Variants in ZBBX observed in about 807,000 individuals in gnomAD.
The protein encoded by ZBBX is zinc finger B-box domain containing, also known as zinc finger B-box domain-containing protein 1.
In ZBBX, 101 loss-of-function variants were observed where a neutral mutation model predicts 108.5. That is an observed-to-expected ratio of 0.93 (90% CI 0.79 to 1.10). The LOEUF (loss-of-function observed/expected upper bound fraction) is 1.10, where lower values mean the gene tolerates loss of function less well. Ranked by LOEUF, ZBBX falls within the 50% of genes least tolerant of loss-of-function variation. The probability of loss-of-function intolerance (pLI) is 0.00; values close to 1 mark genes in which losing one functional copy is unlikely to be tolerated. For synonymous variants in ZBBX, 356 were observed against 323.4 expected (o/e 1.10, Z -1.08); for missense variants, 1,009 against 941.4 (o/e 1.07, Z -0.94).
At chr3:167,323,962 T>C (rs1000590594) in intron 11 of ZBBX, among the ~76,000 whole-genome samples, 1 of 151,996 alleles carries the variant, frequency 6.6e-6, no homozygotes, top group Non-Finnish European at 1.5e-5. Context: ...AAGTTAAAAA[T>C]CAATAACAGA....
chr3:167,405,607 A>C (rs181893335), intron 1 of ZBBX, among the ~76,000 whole-genome samples: 2 of 152,284 alleles, frequency 1.3e-5, no homozygotes, highest in African/African-American at 4.8e-5. Flanking sequence ...AGGTGAAGAA[A>C]AACTTAGTAT....
At chr3:167,211,551 C>T in the ZBBX span, among the ~76,000 whole-genome samples, 11 of 152,142 alleles carry the variant, frequency 7.2e-5, no homozygotes, top group Admixed American at 1.3e-4. Flanking sequence ...CTAGCAGTAG[C>T]GGCATTGCAC....
At chr3:167,377,940 C>T (rs1449301287) in intron 2 of ZBBX, among the ~76,000 whole-genome samples, 1 of 152,084 alleles carries the variant, frequency 6.6e-6, no homozygotes. Flanking sequence ...CAGTTTCCCC[C>T]ACGCTATTTT....
chr3:167,232,309 A>C, the ZBBX span, among the ~76,000 whole-genome samples: 1 of 151,812 alleles, frequency 6.6e-6, no homozygotes, highest in Non-Finnish European at 1.5e-5. Flanking sequence ...AATTGTTTCC[A>C]ACTTGGAAAA....
chr3:167,324,573 C>CT (rs142001692), intron 11 of ZBBX, among the ~76,000 whole-genome samples: 2,974 of 152,210 alleles, frequency 0.02, 108 homozygotes, highest in African/African-American at 0.069. Flanking sequence ...GGCTGCATGA[C>CT]TTTTTCATTC....
chr3:167,281,193 T>G (rs1247662227), intron 20 of ZBBX, among the ~76,000 whole-genome samples: 1 of 152,090 alleles, frequency 6.6e-6, no homozygotes, highest in Non-Finnish European at 1.5e-5. Context: ...GCATGGCACA[T>G]GTATGCAGAG....
chr3:167,298,570 C>T (rs535508694), intron 17 of ZBBX, 112 bp from the exon 18 acceptor site: 141 of 761,924 alleles, frequency 1.9e-4, no homozygotes, highest in Non-Finnish European at 2.4e-4. Context: ...AAATTCTTCC[C>T]TCATCAAGTT....
chr3:167,360,578 T>C (rs1353100460), intron 7 of ZBBX, 97 bp downstream of exon 7: 1 of 683,522 alleles, frequency 1.5e-6, no homozygotes, highest in Non-Finnish European at 2.1e-6. Context: ...ATCTTTATAC[T>C]GCCCGGACAA....
At chr3:167,269,783 C>T (rs747133300) in intron 20 of ZBBX, among the ~76,000 whole-genome samples, 1 of 152,194 alleles carries the variant, frequency 6.6e-6, no homozygotes, top group African/African-American at 2.4e-5. Flanking sequence ...CAACTATTCA[C>T]CCTGTTGTCC....
chr3:167,195,809 T>C, the ZBBX span, among the ~76,000 whole-genome samples: 1 of 152,176 alleles, frequency 6.6e-6, no homozygotes, highest in Non-Finnish European at 1.5e-5. Flanking sequence ...TTTCCTAGCA[T>C]AAACTAATCA....
chr3:167,329,414 G>A (rs1004549588), intron 10 of ZBBX, among the ~76,000 whole-genome samples: 2 of 152,160 alleles, frequency 1.3e-5, no homozygotes, highest in African/African-American at 2.4e-5. Context: ...TGTTAAAGAC[G>A]TATATAAGAA....
chr3:167,242,930 A>AG, intron 20 of ZBBX, among the ~76,000 whole-genome samples: 1 of 152,098 alleles, frequency 6.6e-6, no homozygotes, highest in Admixed American at 6.6e-5. Flanking sequence ...CAAAAAAAAA[A>AG]TCAAATGACC....
intron 18 of ZBBX, among the ~76,000 whole-genome samples, chr3:167,293,715 G>C (rs972697076): frequency 6.6e-6 from 1 of 152,166 alleles, no homozygotes; most frequent in African/African-American, 2.4e-5. Context: ...GCAAGAGAAA[G>C]AAATTAAGAG....
downstream of ZBBX, among the ~76,000 whole-genome samples, chr3:167,238,105 A>G (rs1313002404): frequency 6.6e-6 from 1 of 151,952 alleles, no homozygotes; most frequent in Admixed American, 6.6e-5. Context: ...GAAACCTTAA[A>G]CCTGAGCAGA....
At chr3:167,329,012 C>G (rs2108367601) in intron 10 of ZBBX, among the ~76,000 whole-genome samples, 1 of 152,238 alleles carries the variant, frequency 6.6e-6, no homozygotes, top group East Asian at 1.9e-4. Flanking sequence ...AGTGCCAAGA[C>G]CTGTGCCTGG....
chr3:167,361,268 A>G (rs1310180530), intron 6 of ZBBX, among the ~76,000 whole-genome samples: 1 of 152,176 alleles, frequency 6.6e-6, no homozygotes, highest in African/African-American at 2.4e-5. Context: ...GCCAAAAAAA[A>G]TGAATAAATA....
chr3:167,229,936 T>C, the ZBBX span, among the ~76,000 whole-genome samples: 3 of 151,816 alleles, frequency 2.0e-5, no homozygotes, highest in Non-Finnish European at 4.4e-5. Flanking sequence ...GCAACTAAAG[T>C]TTATATCTTT....
chr3:167,281,808 C>A (rs1241505826), intron 20 of ZBBX, among the ~76,000 whole-genome samples: 1 of 152,190 alleles, frequency 6.6e-6, no homozygotes, highest in African/African-American at 2.4e-5. Flanking sequence ...GTGACAAGAT[C>A]CCCTGAATGA....
intron 17 of ZBBX, among the ~76,000 whole-genome samples, chr3:167,305,251 GTCTAGATA>G (rs1360934732): frequency 6.6e-6 from 1 of 152,030 alleles, no homozygotes; most frequent in East Asian, 1.9e-4. Flanking sequence ...AACTGGTTCT[GTCTAGATA>G]TCTGCATTTA....
Sources: gnomAD v4.1 joint callset for allele counts (sites outside exome capture counted in the v4.1 genomes callset) on GRCh38, gnomAD v4.1.1 for gene constraint, MANE v1.5 for transcripts, NCBI Gene and HGNC (gene_info 2026-07-23, HGNC 2026-07-21) for gene names.